The following DLG2 variants were observed in gnomAD, a reference collection of about 807,000 sequenced individuals.
The protein encoded by DLG2 is disks large homolog 2.
DLG2 carries 45 observed loss-of-function variants against 132.5 expected under a neutral mutation model. That is an observed-to-expected ratio of 0.34 (90% CI 0.27 to 0.44). The LOEUF is 0.44. Among genes scored for constraint, DLG2 ranks in the 20% least tolerant of loss-of-function variants. The probability of loss-of-function intolerance (pLI) is 1.00; values close to 1 mark genes in which losing one functional copy is unlikely to be tolerated. For missense variants in DLG2, 1,045 were observed against 1,196.9 expected, an observed-to-expected ratio of 0.87 and a Z score of 1.87; for synonymous variants, 424 against 419.6, an observed-to-expected ratio of 1.01 and a Z score of -0.13.
chr11:84,304,286 TCA>T (rs1173094312), intron 7 of DLG2, among the ~76,000 whole-genome samples: 2 of 152,196 alleles, frequency 1.3e-5, no homozygotes, highest in African/African-American at 4.8e-5. Flanking sequence ...ACGAGGAATC[TCA>T]CACTCTCTAA....
chr11:84,790,336 A>T (rs1390165600), intron 6 of DLG2, among the ~76,000 whole-genome samples: 2 of 152,324 alleles, frequency 1.3e-5, no homozygotes, highest in Non-Finnish European at 2.9e-5. Flanking sequence ...TCTGATGATC[A>T]ATGATGTTGA....
At chr11:83,492,952 C>T (rs1277966163) in intron 21 of DLG2, among the ~76,000 whole-genome samples, 2 of 152,030 alleles carry the variant, frequency 1.3e-5, no homozygotes, top group African/African-American at 2.4e-5. Context: ...TCATTCTGCT[C>T]GAGATCCTCC....
intron 6 of DLG2, among the ~76,000 whole-genome samples, chr11:84,724,242 T>C (rs1221125101): frequency 1.3e-5 from 2 of 152,166 alleles, no homozygotes; most frequent in Non-Finnish European, 2.9e-5. Context: ...TAAGTTTGCT[T>C]CCAATGTTGA....
At chr11:85,357,857 A>C (rs1039768256) in intron 3 of DLG2, among the ~76,000 whole-genome samples, 2 of 150,778 alleles carry the variant, frequency 1.3e-5, no homozygotes, top group African/African-American at 4.9e-5. Context: ...CTCAATTTGC[A>C]GATGAAGAAA....
In DLG2 at chr11:83,459,351, C is replaced by A. The variant is rs2089468142; in HGVS notation, c.*467G>T. 1.3e-5 allele frequency: 2 copies of A among 152,840 alleles called. No individual in the cohort carries two copies. Among genetic ancestry groups the A allele is most frequent in the African/African-American group, 2.4e-5 (1 of 41,434 alleles). 9.5% of individuals were successfully genotyped at this position (152,840 alleles called of 1,614,324 possible). On this transcript the variant is annotated 3_prime_UTR_variant, in exon 28 of 28. Transcript: ENST00000376104. ...TCCTTTCTTTTTTCCTTCTTTCTTT[C>A]ATTTGCTTGTTAAGAAATCAAAAGA...
chr11:84,640,151 G>A (rs1243174889), intron 6 of DLG2: 4 of 278,764 alleles, frequency 1.4e-5, no homozygotes, highest in Admixed American at 9.1e-5. Flanking sequence ...AGAAAAAGAG[G>A]CTCCGGTTGA....
intron 6 of DLG2, among the ~76,000 whole-genome samples, chr11:84,774,174 T>A (rs1163047406): frequency 6.6e-6 from 1 of 151,890 alleles, no homozygotes; most frequent in Non-Finnish European, 1.5e-5. Flanking sequence ...AAGAATGCAA[T>A]CCTATTTACA....
At chr11:85,452,793 T>G (rs775642474) in intron 3 of DLG2, 1 of 156,270 alleles carries the variant, frequency 6.4e-6, no homozygotes, top group African/African-American at 2.4e-5. Flanking sequence ...AATCTTCAAC[T>G]CCAAGATTTC....
chr11:85,617,980 C>G (rs965671947), intron 2 of DLG2, among the ~76,000 whole-genome samples: 1 of 152,148 alleles, frequency 6.6e-6, no homozygotes, highest in South Asian at 2.1e-4. Context: ...TATACCATTC[C>G]TCTTGATCTT....
intron 16 of DLG2, among the ~76,000 whole-genome samples, chr11:83,854,350 C>T (rs533265554): frequency 6.6e-6 from 1 of 152,174 alleles, no homozygotes; most frequent in East Asian, 1.9e-4. Flanking sequence ...AAAATCCTAG[C>T]AAGTTATTTT....
At chr11:83,476,670 TA>T (rs1270446317) in intron 22 of DLG2, among the ~76,000 whole-genome samples, 2 of 152,094 alleles carry the variant, frequency 1.3e-5, no homozygotes, top group Non-Finnish European at 2.9e-5. Flanking sequence ...AGTTACTAGG[TA>T]AAATGTCAGG....
intron 4 of DLG2, among the ~76,000 whole-genome samples, chr11:85,198,428 A>G (rs17148044): frequency 0.086 from 13,145 of 152,136 alleles, 710 homozygotes; most frequent in African/African-American, 0.15. Context: ...TTAAATTTCC[A>G]CAAGTGGCAT....
chr11:84,022,439 G>A (rs2095421547), intron 11 of DLG2, among the ~76,000 whole-genome samples: 1 of 152,264 alleles, frequency 6.6e-6, no homozygotes, highest in South Asian at 2.1e-4. Context: ...AGAAACACAG[G>A]AGGAAGTGTT....
intron 18 of DLG2, among the ~76,000 whole-genome samples, chr11:83,772,414 AAAAAG>A (rs1323895322): frequency 2.4e-4 from 36 of 150,868 alleles, no homozygotes; most frequent in East Asian, 1.6e-3. Context: ...TGTCTCAATA[AAAAAG>A]AAAAGAAAAG....
At chr11:84,447,029 T>A (rs1173358934) in intron 7 of DLG2, among the ~76,000 whole-genome samples, 2 of 152,196 alleles carry the variant, frequency 1.3e-5, no homozygotes, top group Admixed American at 1.3e-4. Flanking sequence ...GTATGTGTGG[T>A]AACAACATGT....
chr11:84,256,973 CCA>C (rs1205926529), intron 7 of DLG2, among the ~76,000 whole-genome samples: 1 of 152,098 alleles, frequency 6.6e-6, no homozygotes, highest in East Asian at 1.9e-4. Context: ...GGGATGAGCC[CCA>C]GTCAGACCAT....
At chr11:84,558,297 T>C (rs894290322) in intron 6 of DLG2, among the ~76,000 whole-genome samples, 2 of 152,138 alleles carry the variant, frequency 1.3e-5, no homozygotes, top group Non-Finnish European at 2.9e-5. Flanking sequence ...AAGCTAAGCA[T>C]CCTTAAATCT....
intron 6 of DLG2, among the ~76,000 whole-genome samples, chr11:84,727,156 C>T (rs572792106): frequency 1.8e-4 from 27 of 151,752 alleles, no homozygotes; most frequent in African/African-American, 4.6e-4. Context: ...GTGTTTTAGA[C>T]GAAGTCTTTG....
chr11:84,455,531 C>A (rs1435018838), intron 7 of DLG2, among the ~76,000 whole-genome samples: 1 of 151,046 alleles, frequency 6.6e-6, no homozygotes, highest in Non-Finnish European at 1.5e-5. Flanking sequence ...TTCTAAGAGA[C>A]CCTGGGACTG....
Sources: allele counts gnomAD v4.1 joint callset (sites outside exome capture counted in the v4.1 genomes callset), GRCh38; gene constraint gnomAD v4.1.1; transcripts MANE v1.5; gene names NCBI Gene and HGNC (gene_info 2026-07-23, HGNC 2026-07-21).